SLC25A30: variants seen among roughly 807,000 people sequenced by gnomAD.
SLC25A30 encodes kidney mitochondrial carrier protein 1.
In SLC25A30, 29 loss-of-function variants were observed where a neutral mutation model predicts 42.7. That is an observed-to-expected ratio of 0.68 (90% CI 0.51 to 0.93). The LOEUF (loss-of-function observed/expected upper bound fraction) is 0.93. SLC25A30 is among the 40% of genes least tolerant of loss of function. The pLI is 0.00. For missense variants in SLC25A30, 300 were observed against 359.7 expected (o/e 0.83, Z 1.34); for synonymous variants, 124 against 131.0 (o/e 0.95, Z 0.37).
the SLC25A30 span, among the ~76,000 whole-genome samples, chr13:45,424,336 T>C: frequency 5.4e-5 from 4 of 73,562 alleles, no homozygotes; most frequent in Non-Finnish European, 9.1e-5. Flanking sequence ...AAAATATATA[T>C]AAATATATGA....
chr13:45,433,273 G>T, the SLC25A30 span, among the ~76,000 whole-genome samples: 1 of 152,140 alleles, frequency 6.6e-6, no homozygotes, highest in Non-Finnish European at 1.5e-5. Context: ...GGAACTGTAA[G>T]TGATCTGGGG....
At chr13:45,425,011 T>TGTATAC in the SLC25A30 span, among the ~76,000 whole-genome samples, 3 of 4,532 alleles carry the variant, frequency 6.6e-4, no homozygotes, top group Non-Finnish European at 1.0e-3. Flanking sequence ...TAAATATATA[T>TGTATAC]AAATATACAT....
chr13:45,395,471 C>G lies in SLC25A30; in HGVS notation c.*503G>C. 1 of 993,258 alleles carries G rather than the reference C, an allele frequency of 1.0e-6. No individual in the cohort carries two copies. The highest frequency in any genetic ancestry group is 1.2e-6 in the Non-Finnish European group (1 of 834,110). 61.5% of individuals were successfully genotyped at this position (993,258 alleles called of 1,614,324 possible). On this transcript the variant is annotated 3_prime_UTR_variant, in exon 10 of 10. Coordinates refer to ENST00000519676, the MANE Select transcript of SLC25A30 (RefSeq NM_001010875.4). ...GGATCCATTTCCTGCACCGTTTATA[C>G]CTGGGGTTGAACAGTCCAGGTCTCC...
At chr13:45,423,913 A>T in the SLC25A30 span, among the ~76,000 whole-genome samples, 22 of 89,048 alleles carry the variant, frequency 2.5e-4, no homozygotes, top group African/African-American at 9.9e-4. Flanking sequence ...AAGAATATAT[A>T]AAAATATATA....
chr13:45,402,588 GAGAGTCC>G (rs1442491845), intron 5 of SLC25A30, among the ~76,000 whole-genome samples: 4 of 152,206 alleles, frequency 2.6e-5, no homozygotes, highest in Admixed American at 1.3e-4. Flanking sequence ...AAGCATCTAA[GAGAGTCC>G]AGAGTCCTAC....
the SLC25A30 span, among the ~76,000 whole-genome samples, chr13:45,423,626 A>C: frequency 1.9e-5 from 2 of 105,438 alleles, no homozygotes; most frequent in African/African-American, 7.6e-5. Context: ...AAATATATAT[A>C]TATAAATATA....
chr13:45,400,017 T>TATATATATATATATAC (rs1474086599), intron 7 of SLC25A30, among the ~76,000 whole-genome samples: 8 of 95,978 alleles, frequency 8.3e-5, no homozygotes, highest in Non-Finnish European at 1.4e-4. Flanking sequence ...TGTATGATTA[T>TATATATATATATATAC]ATATATATAT....
chr13:45,423,561 AT>A, the SLC25A30 span, among the ~76,000 whole-genome samples: 1,922 of 96,954 alleles, frequency 0.02, 239 homozygotes, highest in African/African-American at 0.033. Context: ...CATAAAAAAA[AT>A]ATATAAATAT....
chr13:45,410,446 C>G (rs1014919887), intron 2 of SLC25A30, among the ~76,000 whole-genome samples: 33 of 152,324 alleles, frequency 2.2e-4, no homozygotes, highest in African/African-American at 7.5e-4. Flanking sequence ...GGAGGTGGAT[C>G]TCTTGAGCTT....
chr13:45,408,771 T>A (rs1593618027), intron 3 of SLC25A30, among the ~76,000 whole-genome samples, 156 bp downstream of exon 3: 1 of 152,336 alleles, frequency 6.6e-6, no homozygotes, highest in East Asian at 1.9e-4. Context: ...ACTTAGAAAT[T>A]AGAGTTGAAA....
chr13:45,411,488 C>A lies in SLC25A30; in HGVS notation c.-55-8G>T, dbSNP rs1048986109. The A allele has an allele frequency of 6.6e-7, 1 of 1,509,568 alleles. No individual in the cohort carries two copies. Among genetic ancestry groups the A allele is most frequent in the Non-Finnish European group, 9.2e-7 (1 of 1,088,318 alleles). 93.5% of individuals were successfully genotyped at this position (1,509,568 alleles called of 1,614,324 possible). ...CCTCCAGTGCTGTTTTTCCTGGACACAACAATAAGATATTATCAAGCTGTA... is the reference window on the plus strand; with the variant it reads ...CCTCCAGTGCTGTTTTTCCTGGACAAAACAATAAGATATTATCAAGCTGTA... On this transcript the variant is annotated splice_region_variant and splice_polypyrimidine_tract_variant and intron_variant, in intron 1 of 9. Transcript: ENST00000519676.
At position 45,409,034 on chromosome 13, in the gene SLC25A30, A is replaced by G. The variant is rs966575586; in HGVS notation, c.105T>C (p.Ile35=). 2 of 1,613,040 alleles carry G rather than the reference A, an allele frequency of 1.2e-6. No individual in the cohort carries two copies. The highest frequency in any genetic ancestry group is 1.7e-6 in the Non-Finnish European group (2 of 1,179,570). ...ATTTTGCATCATTCGTCTGGCCTTGAATCTGGAGCCGTGTCTTGGTTAAAT... is the reference window on the plus strand; with the variant it reads ...ATTTTGCATCATTCGTCTGGCCTTGGATCTGGAGCCGTGTCTTGGTTAAAT... The part of the protein sequence containing the change: ...PIDLTKTRLQ[I]QGQTNDAKFK... Residue 35 remains isoleucine, a synonymous_variant, in exon 3 of 10, where the codon ATT becomes ATC. Coordinates refer to ENST00000519676, the MANE Select transcript of SLC25A30 (RefSeq NM_001010875.4).
chr13:45,409,122 A>C, intron 2 of SLC25A30, 48 bp from the exon 3 acceptor site: 1 of 1,456,854 alleles, frequency 6.9e-7, no homozygotes, highest in Non-Finnish European at 9.3e-7. Flanking sequence ...ATTCCACTAA[A>C]TAAAGGATAC....
chr13:45,399,015 T>C lies in SLC25A30; in HGVS notation c.678A>G (p.Thr226=). ...GAAGCACTCTCTGATTCATCATACGTGTCCTCACAACATCAACAGGGTTTG... is the reference window on the plus strand; with the variant it reads ...GAAGCACTCTCTGATTCATCATACGCGTCCTCACAACATCAACAGGGTTTG... ...LASNPVDVVR[T]RMMNQRVLRD... Residue 226 remains threonine, a synonymous_variant, in exon 8 of 10, where the codon ACA becomes ACG. Transcript: ENST00000519676. 1 of 1,613,970 alleles carries C rather than the reference T, an allele frequency of 6.2e-7. No individual in the cohort carries two copies.
Position 45,401,120 on chromosome 13 carries a change from A to C in SLC25A30, c.577T>G (p.Ser193Ala). 1 of 1,614,062 alleles carries C rather than the reference A, an allele frequency of 6.2e-7. No homozygotes were observed. The highest frequency in any genetic ancestry group is 8.5e-7 in the Non-Finnish European group (1 of 1,179,922). The change falls in exon 7 of 10, where the codon TCA becomes GCA. Residue 193 changes from serine (S) to alanine (A), a missense_variant. Ser to Ala is a moderately conservative substitution (Grantham distance 99, BLOSUM62 1). Coordinates refer to ENST00000519676, the MANE Select transcript of SLC25A30 (RefSeq NM_001010875.4). ...YDITKKHLIL[S>A]GLMGDTVYTH... Reference sequence around the variant, plus strand: ...TACACAGTGTCTCCCATCAGGCCTGAGAGAATAAGATGCTTCTTGGTGATG... The same window carrying C: ...TACACAGTGTCTCCCATCAGGCCTGCGAGAATAAGATGCTTCTTGGTGATG...
intron 9 of SLC25A30, chr13:45,396,270 T>C (rs1881310507): frequency 3.0e-6 from 4 of 1,354,272 alleles, no homozygotes; most frequent in South Asian, 3.4e-5. Flanking sequence ...TCTACGCTGA[T>C]AAGCTTTTGT....
intron 3 of SLC25A30, among the ~76,000 whole-genome samples, chr13:45,407,408 G>A (rs1882620336): frequency 6.6e-6 from 1 of 151,916 alleles, no homozygotes; most frequent in African/African-American, 2.4e-5. Context: ...TTGTGTGTGT[G>A]CAGCTAGGTG....
At chr13:45,425,605 TATACATATATAA>T in the SLC25A30 span, among the ~76,000 whole-genome samples, 2 of 50,388 alleles carry the variant, frequency 4.0e-5, no homozygotes, top group African/African-American at 2.0e-4. Context: ...TACATATATA[TATACATATATAA>T]ATATATATAT....
the SLC25A30 span, among the ~76,000 whole-genome samples, chr13:45,424,330 T>A: frequency 1.4e-5 from 1 of 73,718 alleles, no homozygotes; most frequent in African/African-American, 5.7e-5. Flanking sequence ...TATATAAAAA[T>A]ATATATAAAT....
Sources: allele counts gnomAD v4.1 joint callset (sites outside exome capture counted in the v4.1 genomes callset), GRCh38; gene constraint gnomAD v4.1.1; transcripts MANE v1.5; gene names NCBI Gene and HGNC (gene_info 2026-07-23, HGNC 2026-07-21).